TTC6: variants seen among roughly 807,000 people sequenced by gnomAD.
TTC6 encodes the protein tetratricopeptide repeat protein 6.
TTC6 carries 172 observed loss-of-function variants against 210.4 expected under a neutral mutation model. The observed-to-expected ratio is 0.82, with a 90% confidence interval of 0.72 to 0.93. The LOEUF is 0.93. TTC6 is among the 40% of genes least tolerant of loss of function. The pLI, the probability that TTC6 is intolerant of heterozygous loss-of-function variation, is 0.00. For missense variants in TTC6, 2,414 were observed against 2,318.1 expected (o/e 1.04, Z -0.85); for synonymous variants, 804 against 819.6 (o/e 0.98, Z 0.32).
intron 21 of TTC6, 58 bp downstream of exon 23, chr14:37,804,872 A>G: frequency 1.3e-6 from 2 of 1,585,160 alleles, no homozygotes; most frequent in East Asian, 2.2e-5. Context: ...GGTTGCTTGT[A>G]TGCAATTCTG....
intron 6 of TTC6, among the ~76,000 whole-genome samples, chr14:37,716,388 C>T (rs571736970): frequency 3.7e-4 from 57 of 152,028 alleles, no homozygotes; most frequent in African/African-American, 1.2e-3. Flanking sequence ...AATTAAATGA[C>T]GGAGTGGTAA....
chr14:37,614,159 T>A (rs2095638963), intron 2 of TTC6, among the ~76,000 whole-genome samples: 1 of 152,168 alleles, frequency 6.6e-6, no homozygotes, highest in Admixed American at 6.5e-5. Context: ...TTCATTATTA[T>A]TCAGTCTAAA....
intron 14 of TTC6, among the ~76,000 whole-genome samples, chr14:37,757,262 A>G (rs930776492): frequency 6.0e-5 from 9 of 150,936 alleles, no homozygotes; most frequent in African/African-American, 1.9e-4. Context: ...TAATTAATTA[A>G]TTAATTACTT....
chr14:37,665,540 G>A lies in TTC6; in HGVS notation c.940-14611G>A, dbSNP rs140633386. Among the ~76,000 whole-genome samples the A allele has an allele frequency of 2.9e-4, 44 of 150,350 alleles. No individual in the cohort carries two copies. In the East Asian group the frequency reaches 7.7e-3, roughly 26 times the overall value. ...GAGAGCACCAGGAAGAACAGCTAAT[G>A]GATGCTGGGCTTAATACCTAGGTGA... On this transcript the variant is annotated intron_variant, in intron 1 of 30. Coordinates refer to ENST00000553443, the Ensembl canonical transcript of TTC6.
intron 25 of TTC6, among the ~76,000 whole-genome samples, chr14:37,813,695 T>G (rs932097406): frequency 2.0e-5 from 3 of 152,118 alleles, no homozygotes; most frequent in Non-Finnish European, 2.9e-5. Context: ...AAATTCTGTC[T>G]TCTTTCAGGC....
intron 14 of TTC6, among the ~76,000 whole-genome samples, chr14:37,761,992 C>T (rs1241158014): frequency 1.3e-5 from 2 of 152,100 alleles, no homozygotes; most frequent in South Asian, 4.1e-4. Flanking sequence ...TTCATAACAC[C>T]CAACCTCTAA....
exon 10 of TTC6, chr14:37,738,939 A>G (rs2095909746): frequency 5.2e-6 from 8 of 1,535,532 alleles, no homozygotes; most frequent in Non-Finnish European, 7.0e-6. Context: ...GAGCCCAACT[A>G]TGTGAAAGAA....
At chr14:37,799,516 A>T (rs1010412657) in intron 20 of TTC6, among the ~76,000 whole-genome samples, 3 of 152,080 alleles carry the variant, frequency 2.0e-5, no homozygotes, top group African/African-American at 7.2e-5. Context: ...TGTGAGTGGA[A>T]CCTATGTCTC....
intron 6 of TTC6, among the ~76,000 whole-genome samples, chr14:37,715,041 C>A (rs1055623923): frequency 6.6e-6 from 1 of 152,016 alleles, no homozygotes; most frequent in South Asian, 2.1e-4. Flanking sequence ...TGGTGGCACA[C>A]GTCTGTGGTC....
intron 3 of TTC6, among the ~76,000 whole-genome samples, chr14:37,689,252 A>G (rs997002856): frequency 2.0e-5 from 3 of 152,200 alleles, no homozygotes; most frequent in African/African-American, 4.8e-5. Flanking sequence ...AAGACAGGCT[A>G]TTTGAAAATA....
In TTC6 at chr14:37,660,292, G is replaced by A. The variant is rs776032028; in HGVS notation, c.940-19859G>A. Among the ~76,000 whole-genome samples, 135 of 151,756 alleles carry A rather than the reference G, an allele frequency of 8.9e-4. 1 individual carries two copies. The highest frequency in any genetic ancestry group is 1.7e-3 in the Non-Finnish European group (117 of 67,958). On this transcript the variant is annotated intron_variant, in intron 1 of 30. Transcript: ENST00000553443. ...GTGCAGGTTTGTTATGTAGGTAAAC[G>A]TGTGCCACAGTGGTTTGCTGCACCT... is the stretch of plus-strand genomic sequence containing the variant.
chr14:37,639,590 A>G (rs999647290), intron 1 of TTC6, among the ~76,000 whole-genome samples: 19 of 151,914 alleles, frequency 1.3e-4, no homozygotes, highest in Non-Finnish European at 2.5e-4. Flanking sequence ...ATGGAAAGTG[A>G]CTGGGTGCGG....
exon 20 of TTC6, chr14:37,796,850 A>G (rs765658702): frequency 1.2e-6 from 2 of 1,610,558 alleles, no homozygotes; most frequent in Admixed American, 3.4e-5. Flanking sequence ...AACCATGACA[A>G]GGCCATTGAG....
intron 24 of TTC6, among the ~76,000 whole-genome samples, chr14:37,810,654 A>G (rs2096127788): frequency 6.6e-6 from 1 of 152,162 alleles, no homozygotes; most frequent in Non-Finnish European, 1.5e-5. Context: ...ACTGGATGTC[A>G]TTAAGCAGTG....
At chr14:37,836,428 A>T (rs540009167) in intron 29 of TTC6, among the ~76,000 whole-genome samples, 1 of 152,296 alleles carries the variant, frequency 6.6e-6, no homozygotes, top group Non-Finnish European at 1.5e-5. Flanking sequence ...GATGTTTAAG[A>T]TCTGCATGAA....
chr14:37,693,113 G>A (rs1392328817), intron 3 of TTC6, among the ~76,000 whole-genome samples: 3 of 152,016 alleles, frequency 2.0e-5, no homozygotes, highest in Non-Finnish European at 4.4e-5. Flanking sequence ...AATTATTCTT[G>A]TTTGCAGATG....
At chr14:37,721,086 A>G (rs201278219) in intron 6 of TTC6, among the ~76,000 whole-genome samples, 1 of 148,070 alleles carries the variant, frequency 6.8e-6, no homozygotes, top group Non-Finnish European at 1.5e-5. Context: ...GTGGAACAGA[A>G]AAAAAAAAAA....
intron 20 of TTC6, among the ~76,000 whole-genome samples, chr14:37,802,858 G>A (rs1476747766): frequency 1.3e-5 from 2 of 151,494 alleles, no homozygotes; most frequent in African/African-American, 2.4e-5. Context: ...TCAGCCTCCT[G>A]ACTAGCTGGG....
chr14:37,787,572 A>G (rs2096070748), exon 15 of TTC6: 3 of 1,528,100 alleles, frequency 2.0e-6, no homozygotes, highest in East Asian at 2.5e-5. Context: ...TTAGCGTTGT[A>G]TTATCGAGGT....
Sources: gnomAD v4.1 joint callset for allele counts (sites outside exome capture counted in the v4.1 genomes callset) on GRCh38, gnomAD v4.1.1 for gene constraint, MANE v1.5 for transcripts, NCBI Gene and HGNC (gene_info 2026-07-23, HGNC 2026-07-21) for gene names.